Variants in ANO10 observed in about 807,000 individuals in gnomAD.
ANO10 encodes the protein anoctamin-10.
Under a neutral mutation model 74.7 loss-of-function variants are expected in ANO10, and 77 were observed. That is an observed-to-expected ratio of 1.03 (90% CI 0.86 to 1.25). ANO10 has a LOEUF of 1.25. ANO10 is among the 50% of genes most tolerant of loss of function. The pLI is 0.00. For synonymous variants in ANO10, 279 were observed against 284.9 expected (o/e 0.98, Z 0.21); for missense variants, 721 against 778.1 (o/e 0.93, Z 0.87).
intron 8 of ANO10, among the ~76,000 whole-genome samples, 153 bp downstream of exon 8, chr3:43,565,500 C>T (rs1450034762): frequency 6.6e-6 from 1 of 151,986 alleles, no homozygotes; most frequent in African/African-American, 2.4e-5. Context: ...AATGCCATTC[C>T]TAATAATTTT....
intron 11 of ANO10, among the ~76,000 whole-genome samples, chr3:43,530,653 TGAGA>T (rs959385444): frequency 1.3e-5 from 2 of 152,028 alleles, no homozygotes; most frequent in Non-Finnish European, 2.9e-5. Context: ...AGCAGTATTT[TGAGA>T]GAGAGACCCC....
intron 12 of ANO10, among the ~76,000 whole-genome samples, chr3:43,417,301 G>A (rs1237748952): frequency 6.6e-6 from 1 of 152,180 alleles, no homozygotes; most frequent in Admixed American, 6.5e-5. Flanking sequence ...GTAGTAAGAA[G>A]GAGACAAGAT....
intron 11 of ANO10, among the ~76,000 whole-genome samples, chr3:43,544,722 G>A (rs2079103438): frequency 6.6e-6 from 1 of 150,776 alleles, no homozygotes; most frequent in Non-Finnish European, 1.5e-5. Flanking sequence ...GAACCCAGGA[G>A]GCAGAGGATG....
chr3:43,615,756 C>T (rs979356215), intron 1 of ANO10, among the ~76,000 whole-genome samples: 2 of 151,850 alleles, frequency 1.3e-5, no homozygotes, highest in Non-Finnish European at 2.9e-5. Context: ...TGGGTTCAAG[C>T]GATTCTCCTG....
intron 11 of ANO10, among the ~76,000 whole-genome samples, chr3:43,538,996 AATACC>A (rs2149271662): frequency 6.6e-6 from 1 of 152,316 alleles, no homozygotes; most frequent in East Asian, 1.9e-4. Flanking sequence ...TGTTTTTTAA[AATACC>A]ATTTTGGAAT....
chr3:43,572,437 A>G (rs2080781497), intron 7 of ANO10, among the ~76,000 whole-genome samples: 1 of 152,212 alleles, frequency 6.6e-6, no homozygotes, highest in African/African-American at 2.4e-5. Flanking sequence ...CCCTGCCACA[A>G]GGGCCTGATA....
intron 1 of ANO10, among the ~76,000 whole-genome samples, chr3:43,652,632 G>A (rs1234361987): frequency 4.6e-5 from 7 of 151,944 alleles, no homozygotes; most frequent in Admixed American, 4.6e-4. Flanking sequence ...ACCTTAAGTG[G>A]GTGGATTTTA....
chr3:43,381,958 C>T (rs1177042787), intron 12 of ANO10, among the ~76,000 whole-genome samples: 4 of 152,162 alleles, frequency 2.6e-5, no homozygotes, highest in African/African-American at 9.7e-5. Context: ...ATAGCCTGCT[C>T]CCAAATGATC....
rs569703660 is a variant in ANO10, at chr3:43,445,000, A to G, written c.1798-12273T>C. Among the ~76,000 whole-genome samples, 5 of 151,828 alleles carry G rather than the reference A, an allele frequency of 3.3e-5. No individual in the cohort carries two copies. The East Asian group carries it at 5.8e-4, about 18-fold the overall frequency. ...TAGCCAGGCCTGGTGACAGGTGCCT[A>G]TAGTCCCAGCTACTCCGTGGGCTGA... On this transcript the variant is annotated intron_variant, in intron 11 of 12. Transcript: ENST00000292246.
At chr3:43,517,369 C>G (rs1464372648) in intron 11 of ANO10, among the ~76,000 whole-genome samples, 1 of 152,098 alleles carries the variant, frequency 6.6e-6, no homozygotes, top group Non-Finnish European at 1.5e-5. Flanking sequence ...CCATTATGGT[C>G]CTACTGTCCT....
chr3:43,375,363 G>A (rs532473849), intron 12 of ANO10, among the ~76,000 whole-genome samples: 18 of 151,766 alleles, frequency 1.2e-4, no homozygotes, highest in African/African-American at 1.7e-4. Context: ...TAGGAGAATC[G>A]CTTGAACCCG....
At chr3:43,635,652 G>A (rs190780852) in intron 1 of ANO10, among the ~76,000 whole-genome samples, 3 of 144,764 alleles carry the variant, frequency 2.1e-5, no homozygotes, top group East Asian at 4.0e-4. Context: ...ACGGAGTCTC[G>A]CTCTTTTACC....
chr3:43,499,000 G>A (rs2077008588), intron 11 of ANO10, among the ~76,000 whole-genome samples: 1 of 152,148 alleles, frequency 6.6e-6, no homozygotes, highest in Admixed American at 6.5e-5. Flanking sequence ...TACCTGAGGT[G>A]GTGGTGAGTA....
chr3:43,544,508 C>T (rs62250952), intron 11 of ANO10, among the ~76,000 whole-genome samples: 1,748 of 151,936 alleles, frequency 0.012, 13 homozygotes, highest in Non-Finnish European at 0.019. Flanking sequence ...AATGAAGAAT[C>T]AGGGCTGGGT....
chr3:43,430,732 C>T (rs1480149378), intron 12 of ANO10, among the ~76,000 whole-genome samples: 1 of 151,934 alleles, frequency 6.6e-6, no homozygotes, highest in Non-Finnish European at 1.5e-5. Context: ...GAGTGAGAGT[C>T]CCCATTTTTC....
At chr3:43,369,121 C>T (rs1214594227) in intron 12 of ANO10, among the ~76,000 whole-genome samples, 1 of 152,230 alleles carries the variant, frequency 6.6e-6, no homozygotes, top group East Asian at 1.9e-4. Flanking sequence ...GTCTCACTTC[C>T]TGGGGCTGCT....
intron 11 of ANO10, among the ~76,000 whole-genome samples, chr3:43,533,938 G>A (rs531564664): frequency 6.6e-6 from 1 of 152,258 alleles, no homozygotes; most frequent in South Asian, 2.1e-4. Context: ...ACTAAATTCT[G>A]CTTATGAATT....
intron 1 of ANO10, among the ~76,000 whole-genome samples, chr3:43,658,666 C>T (rs2083885702): frequency 6.6e-6 from 1 of 152,044 alleles, no homozygotes; most frequent in Non-Finnish European, 1.5e-5. Context: ...GACGGGATTT[C>T]ACCACGTTGG....
At chr3:43,485,227 A>G in intron 11 of ANO10, 2 of 661,366 alleles carry the variant, frequency 3.0e-6, no homozygotes, top group Admixed American at 4.5e-5. Flanking sequence ...TTGTAGGTGC[A>G]GCTCCGGGAG....
Sources: gnomAD v4.1 joint callset for allele counts (sites outside exome capture counted in the v4.1 genomes callset) on GRCh38, gnomAD v4.1.1 for gene constraint, MANE v1.5 for transcripts, NCBI Gene and HGNC (gene_info 2026-07-23, HGNC 2026-07-21) for gene names.